Variants in DMD observed in about 807,000 individuals in gnomAD.
DMD encodes the protein dystrophin, also known as mutant dystrophin.
DMD carries 63 observed loss-of-function variants against 330.1 expected under a neutral mutation model. That is an observed-to-expected ratio of 0.19 (90% CI 0.16 to 0.24). The LOEUF is 0.24. Among genes scored for constraint, DMD ranks in the 10% least tolerant of loss-of-function variants. The pLI is 1.00. For synonymous variants in DMD, 1,223 were observed against 959.8 expected (o/e 1.27, Z -5.07); for missense variants, 3,344 against 2,684.1 (o/e 1.25, Z -5.43).
At chrX:31,586,862 G>A (rs2076634142) in intron 55 of DMD, among the ~76,000 whole-genome samples, 1 of 112,181 alleles carries the variant, frequency 8.9e-6, no homozygotes, top group Admixed American at 9.5e-5. Flanking sequence ...TTAACGCAGT[G>A]AGTAATGGTA....
intron 11 of DMD, among the ~76,000 whole-genome samples, chrX:32,626,064 G>A (rs1172600031): frequency 1.8e-5 from 2 of 112,555 alleles, no homozygotes; most frequent in Non-Finnish European, 3.7e-5. Flanking sequence ...AAAGATACCA[G>A]TACAAATTAG....
chrX:31,444,595 C>G lies in DMD; in HGVS notation c.8970G>C (p.Glu2990Asp). The G allele has an allele frequency of 8.3e-7, 1 of 1,211,650 alleles. No homozygotes were observed. The stretch of plus-strand genomic sequence containing the variant: ...CAAGGTCATTGACGTGGCTCACGTT[C>G]TCTTTCAGAGGCGCAATTTCTCCTC... ...ALRGEIAPLK[E>D]NVSHVNDLAR... The change falls in exon 60 of 79, where the codon GAG becomes GAC. Residue 2990 changes from glutamate to aspartate, a missense_variant. Coordinates refer to ENST00000357033, the MANE Select transcript of DMD (RefSeq NM_004006.3).
intron 4 of DMD, among the ~76,000 whole-genome samples, chrX:32,824,354 A>T (rs952414779): frequency 1.8e-5 from 2 of 112,287 alleles, no homozygotes; most frequent in Admixed American, 9.5e-5. Context: ...GGGAACCCAG[A>T]TGCCCTCAGG....
At chrX:31,149,234 T>A in intron 74 of DMD, among the ~76,000 whole-genome samples, 1 of 112,144 alleles carries the variant, frequency 8.9e-6, no homozygotes, top group Non-Finnish European at 1.9e-5. Flanking sequence ...TATTTCCCAC[T>A]GATCTCTAAC....
intron 55 of DMD, among the ~76,000 whole-genome samples, chrX:31,600,510 G>GTTTT (rs1177947507): frequency 4.0e-4 from 20 of 50,455 alleles, no homozygotes; most frequent in South Asian, 1.2e-3. Context: ...GCCAACTATG[G>GTTTT]TTTTTTTTTT....
At chrX:31,889,620 G>GTC (rs34605571) in intron 47 of DMD, among the ~76,000 whole-genome samples, 906 of 80,468 alleles carry the variant, frequency 0.011, 10 homozygotes, top group Non-Finnish European at 0.013. Flanking sequence ...CTCTCTCTCT[G>GTC]TCTCTCTCTC....
intron 2 of DMD, among the ~76,000 whole-genome samples, chrX:32,925,613 C>T (rs1330417980): frequency 9.0e-6 from 1 of 111,472 alleles, no homozygotes; most frequent in Non-Finnish European, 1.9e-5. Flanking sequence ...GCTAAAAAGG[C>T]TTTAAGAAAG....
intron 62 of DMD, among the ~76,000 whole-genome samples, chrX:31,281,894 T>C (rs1164128222): frequency 1.8e-5 from 2 of 112,216 alleles, no homozygotes; most frequent in Non-Finnish European, 3.8e-5. Context: ...AAGCAAGTGA[T>C]TTGAATGTCT....
intron 12 of DMD, among the ~76,000 whole-genome samples, chrX:32,605,357 A>T (rs1387288787): frequency 9.0e-6 from 1 of 111,031 alleles, no homozygotes; most frequent in African/African-American, 3.3e-5. Context: ...AGTCATAAGC[A>T]GAAGAATGAA....
intron 22 of DMD, 68 bp downstream of exon 22, chrX:32,472,096 A>G: frequency 8.8e-7 from 1 of 1,138,836 alleles, no homozygotes; most frequent in Non-Finnish European, 1.2e-6. Flanking sequence ...AATATTATTT[A>G]AAGGTTATAT....
chrX:31,151,303 C>T (rs1055602153), intron 74 of DMD, among the ~76,000 whole-genome samples: 1 of 112,541 alleles, frequency 8.9e-6, no homozygotes, highest in Non-Finnish European at 1.9e-5. Context: ...ACAAAATGTT[C>T]TAACTGGCAA....
intron 29 of DMD, among the ~76,000 whole-genome samples, chrX:32,425,570 TTCA>T: frequency 8.9e-6 from 1 of 111,869 alleles, no homozygotes; most frequent in African/African-American, 3.2e-5. Context: ...TTCTCATTTT[TTCA>T]TCATCACAGA....
intron 41 of DMD, among the ~76,000 whole-genome samples, chrX:32,337,346 T>C (rs1014247417): frequency 2.8e-5 from 3 of 108,983 alleles, no homozygotes; most frequent in Non-Finnish European, 5.7e-5. Flanking sequence ...CACTTGGCTA[T>C]TGTATGTTTG....
At chrX:31,133,187 C>A (rs1026828328) in intron 77 of DMD, among the ~76,000 whole-genome samples, 1 of 112,053 alleles carries the variant, frequency 8.9e-6, no homozygotes, top group East Asian at 2.8e-4. Context: ...TGCTGCCCGT[C>A]CCTCCCAGGC....
At chrX:32,164,596 C>G (rs1382360190) in intron 44 of DMD, among the ~76,000 whole-genome samples, 1 of 111,597 alleles carries the variant, frequency 9.0e-6, no homozygotes, top group Non-Finnish European at 1.9e-5. Flanking sequence ...AAATTTGCAA[C>G]CTGACAATGC....
intron 55 of DMD, among the ~76,000 whole-genome samples, chrX:31,568,621 G>A (rs1208680033): frequency 4.5e-5 from 5 of 111,075 alleles, no homozygotes; most frequent in African/African-American, 6.5e-5. Context: ...TAACTTTTTC[G>A]ATTCTTTTAA....
At chrX:32,983,066 G>C (rs971756037) in intron 2 of DMD, among the ~76,000 whole-genome samples, 2 of 111,712 alleles carry the variant, frequency 1.8e-5, no homozygotes, top group African/African-American at 6.5e-5. Context: ...GATTCCTCTG[G>C]GAGGGGCACC....
At chrX:32,572,688 T>C (rs1305047509) in intron 15 of DMD, among the ~76,000 whole-genome samples, 2 of 110,782 alleles carry the variant, frequency 1.8e-5, no homozygotes. Flanking sequence ...TGTCATTTGA[T>C]AGGCTTTAAT....
intron 29 of DMD, among the ~76,000 whole-genome samples, chrX:32,413,713 T>C (rs1279105483): frequency 1.0e-5 from 1 of 95,566 alleles, no homozygotes; most frequent in Non-Finnish European, 2.1e-5. Context: ...CTCTATTCTT[T>C]TTTTTTTTTT....
Sources: gnomAD v4.1 joint callset for allele counts (sites outside exome capture counted in the v4.1 genomes callset) on GRCh38, gnomAD v4.1.1 for gene constraint, MANE v1.5 for transcripts, NCBI Gene and HGNC (gene_info 2026-07-23, HGNC 2026-07-21) for gene names.